CNTLN: variants seen among roughly 807,000 people sequenced by gnomAD.
CNTLN encodes the protein centlein, also known as centlein, centrosomal protein.
Under a neutral mutation model 180.0 loss-of-function variants are expected in CNTLN, and 212 were observed. The ratio of observed to expected loss-of-function variants is 1.18; its 90% CI spans 1.05 to 1.32. CNTLN has a LOEUF of 1.32. Among genes scored for constraint, CNTLN ranks in the 40% most tolerant of loss-of-function variants. The pLI, the probability that CNTLN is intolerant of heterozygous loss-of-function variation, is 0.00. For synonymous variants in CNTLN, 722 were observed against 563.1 expected (o/e 1.28, Z -3.99); for missense variants, 2,095 against 1,610.9 (o/e 1.30, Z -5.14).
intron 8 of CNTLN, among the ~76,000 whole-genome samples, chr9:17,328,591 TA>T (rs1430891911): frequency 6.6e-6 from 1 of 152,110 alleles, no homozygotes; most frequent in Non-Finnish European, 1.5e-5. Flanking sequence ...AACATGTCTG[TA>T]ACAAAAGTGA....
intron 18 of CNTLN, among the ~76,000 whole-genome samples, chr9:17,437,816 T>C (rs1250142125): frequency 6.6e-6 from 1 of 152,198 alleles, no homozygotes; most frequent in Non-Finnish European, 1.5e-5. Context: ...TATATATGTA[T>C]ATGTGTGTGT....
At chr9:17,504,569 A>G (rs1015509285), downstream of CNTLN, among the ~76,000 whole-genome samples, 5 of 152,206 alleles carry the variant, frequency 3.3e-5, no homozygotes, top group Admixed American at 6.5e-5. Context: ...TGATTAAGTC[A>G]AGGATCTTGA....
chr9:17,407,897 A>C (rs1359998095), intron 15 of CNTLN, among the ~76,000 whole-genome samples: 1 of 151,678 alleles, frequency 6.6e-6, no homozygotes, highest in Non-Finnish European at 1.5e-5. Context: ...AGGCTGAGGT[A>C]GGTGGATTAC....
chr9:17,158,088 C>T (rs1419011311), intron 2 of CNTLN, among the ~76,000 whole-genome samples: 1 of 152,154 alleles, frequency 6.6e-6, no homozygotes, highest in East Asian at 1.9e-4. Context: ...AAATTTGAAA[C>T]ACTTCTGATC....
In CNTLN at chr9:17,206,883, C is replaced by T. The variant is rs189018400; in HGVS notation, c.450-19320C>T. ...AGTTGACCTTTTTGTGTTCCTTGAG[C>T]CCAGTTGCAAAGGGCCCTCATGACT... On this transcript the variant is annotated intron_variant, in intron 2 of 25. Coordinates refer to ENST00000380647, the MANE Select transcript of CNTLN (RefSeq NM_017738.4). Among the ~76,000 whole-genome samples the T allele has an allele frequency of 3.0e-4, 46 of 152,316 alleles. 1 individual carries two copies. The highest frequency in any genetic ancestry group is 1.1e-3 in the African/African-American group (45 of 41,580).
chr9:17,512,416 G>A, the CNTLN span, among the ~76,000 whole-genome samples: 49,335 of 152,010 alleles, frequency 0.32, 8,727 homozygotes, highest in East Asian at 0.5. Context: ...ATTACTGCAG[G>A]AACAGAAAGT....
At chr9:17,455,143 T>G (rs772199758) in intron 18 of CNTLN, among the ~76,000 whole-genome samples, 1 of 152,124 alleles carries the variant, frequency 6.6e-6, no homozygotes, top group Non-Finnish European at 1.5e-5. Flanking sequence ...CCGACAGAAG[T>G]TAGTAATAGA....
chr9:17,453,559 A>C (rs1161951614), intron 18 of CNTLN, among the ~76,000 whole-genome samples: 1 of 152,290 alleles, frequency 6.6e-6, no homozygotes, highest in Middle Eastern at 3.4e-3. Context: ...AATTACCACA[A>C]ATTTAGCAGC....
At chr9:17,228,197 A>C (rs1024187761) in intron 3 of CNTLN, among the ~76,000 whole-genome samples, 1 of 152,126 alleles carries the variant, frequency 6.6e-6, no homozygotes, top group Non-Finnish European at 1.5e-5. Context: ...TAACCATAGC[A>C]CACCCTTAGA....
the CNTLN span, among the ~76,000 whole-genome samples, chr9:17,524,721 C>G: frequency 3.3e-5 from 5 of 152,188 alleles, no homozygotes; most frequent in African/African-American, 1.2e-4. Flanking sequence ...AAATCCTTCT[C>G]TTTGTTAATT....
At chr9:17,463,911 A>C (rs1831594882) in intron 20 of CNTLN, among the ~76,000 whole-genome samples, 1 of 139,208 alleles carries the variant, frequency 7.2e-6, no homozygotes, top group South Asian at 2.4e-4. Flanking sequence ...GATACATGTT[A>C]GCTATTGTCA....
chr9:17,361,170 C>T (rs950718437), intron 12 of CNTLN, among the ~76,000 whole-genome samples: 1 of 152,164 alleles, frequency 6.6e-6, no homozygotes, highest in African/African-American at 2.4e-5. Flanking sequence ...ATTAACTCCT[C>T]ATTTAGCATT....
chr9:17,404,841 G>A (rs1208113109), intron 15 of CNTLN, among the ~76,000 whole-genome samples: 1 of 150,180 alleles, frequency 6.7e-6, no homozygotes, highest in East Asian at 2.0e-4. Context: ...GGGCGCAAAC[G>A]ATTCTCCTGC....
intron 2 of CNTLN, among the ~76,000 whole-genome samples, chr9:17,221,307 A>G (rs1186375451): frequency 6.6e-6 from 1 of 152,076 alleles, no homozygotes. Context: ...TAAAATATAA[A>G]ATGGCAGATA....
intron 5 of CNTLN, among the ~76,000 whole-genome samples, chr9:17,248,729 A>C (rs1825951636): frequency 6.6e-6 from 1 of 151,312 alleles, no homozygotes; most frequent in South Asian, 2.1e-4. Flanking sequence ...CTAACTATCT[A>C]ATAATCCATT....
chr9:17,300,066 C>T (rs2780206), intron 7 of CNTLN: 67,998 of 151,670 alleles, frequency 0.45, 15,897 homozygotes, highest in South Asian at 0.64. Flanking sequence ...TTCAAAGTTA[C>T]ACTGCAGGTT....
At chr9:17,150,055 C>T (rs143945451) in intron 2 of CNTLN, among the ~76,000 whole-genome samples, 3,027 of 152,152 alleles carry the variant, frequency 0.02, 66 homozygotes, top group African/African-American at 0.053. Context: ...TATTAGCCCT[C>T]TGTCAGATGG....
the CNTLN span, among the ~76,000 whole-genome samples, chr9:17,518,951 A>C: frequency 6.6e-6 from 1 of 152,110 alleles, no homozygotes; most frequent in Non-Finnish European, 1.5e-5. Context: ...TTTTTGAGAC[A>C]GGGTCTCTGT....
intron 6 of CNTLN, among the ~76,000 whole-genome samples, chr9:17,296,264 C>T (rs1028003957): frequency 1.3e-5 from 2 of 152,004 alleles, no homozygotes; most frequent in Admixed American, 6.6e-5. Flanking sequence ...GGTGATCCAC[C>T]TGCCTCGGCC....
Sources: gnomAD v4.1 joint callset for allele counts (sites outside exome capture counted in the v4.1 genomes callset) on GRCh38, gnomAD v4.1.1 for gene constraint, MANE v1.5 for transcripts, NCBI Gene and HGNC (gene_info 2026-07-23, HGNC 2026-07-21) for gene names.